HTR1E: variants seen among roughly 807,000 people sequenced by gnomAD.
HTR1E encodes the protein 5-HT-1E.
HTR1E carries 3 observed loss-of-function variants against 3.4 expected under a neutral mutation model. That is an observed-to-expected ratio of 0.89 (90% CI 0.41 to 2.31). The LOEUF (loss-of-function observed/expected upper bound fraction) is 2.31. HTR1E is among the 30% of genes most tolerant of loss of function. HTR1E has a pLI of 0.05. For missense variants in HTR1E, 392 were observed against 467.0 expected (o/e 0.84, Z 1.48); for synonymous variants, 170 against 182.8 (o/e 0.93, Z 0.56).
intron 1 of HTR1E, among the ~76,000 whole-genome samples, chr6:86,961,053 G>A (rs1010484123): frequency 2.0e-5 from 3 of 152,178 alleles, no homozygotes; most frequent in African/African-American, 7.2e-5. Context: ...TAAAAATGAA[G>A]CTAGGAACTA....
chr6:87,010,163 C>A (rs1340866908), intron 1 of HTR1E, among the ~76,000 whole-genome samples: 1 of 120,796 alleles, frequency 8.3e-6, no homozygotes, highest in Non-Finnish European at 1.7e-5. Context: ...ACCTCCCGGA[C>A]GGGGCGGCTG....
At chr6:87,005,261 A>G (rs949814524) in intron 1 of HTR1E, among the ~76,000 whole-genome samples, 15 of 152,230 alleles carry the variant, frequency 9.9e-5, no homozygotes, top group African/African-American at 3.6e-4. Flanking sequence ...ATGGAACCAC[A>G]AAAGACCTAG....
At chr6:86,951,106 T>C (rs1411266004) in intron 1 of HTR1E, among the ~76,000 whole-genome samples, 1 of 152,188 alleles carries the variant, frequency 6.6e-6, no homozygotes, top group African/African-American at 2.4e-5. Flanking sequence ...TCAGATTCCA[T>C]AGTGAGTCTT....
At chr6:87,006,199 T>A (rs1040691134) in intron 1 of HTR1E, among the ~76,000 whole-genome samples, 2 of 152,186 alleles carry the variant, frequency 1.3e-5, no homozygotes, top group African/African-American at 4.8e-5. Flanking sequence ...AAAATAGAAC[T>A]ATTATATGAT....
chr6:86,985,853 T>C (rs754033594), intron 1 of HTR1E, among the ~76,000 whole-genome samples: 7 of 152,190 alleles, frequency 4.6e-5, no homozygotes, highest in East Asian at 1.9e-4. Context: ...GCAGGATACA[T>C]TGCAACAAGG....
intron 1 of HTR1E, among the ~76,000 whole-genome samples, chr6:86,969,535 G>C (rs985621174): frequency 1.3e-5 from 2 of 152,084 alleles, no homozygotes; most frequent in African/African-American, 2.4e-5. Flanking sequence ...TCCAAGACTT[G>C]GCAAAGAATG....
intron 1 of HTR1E, among the ~76,000 whole-genome samples, chr6:86,959,536 T>C (rs1275784530): frequency 1.3e-5 from 2 of 152,118 alleles, no homozygotes; most frequent in African/African-American, 2.4e-5. Context: ...TGAGTGGAGA[T>C]CCTGCCACTG....
At chr6:86,958,019 C>T (rs1273224389) in intron 1 of HTR1E, among the ~76,000 whole-genome samples, 3 of 149,936 alleles carry the variant, frequency 2.0e-5, no homozygotes, top group Non-Finnish European at 4.4e-5. Context: ...TTTAACTGGG[C>T]GTGGGCAGGA....
intron 1 of HTR1E, among the ~76,000 whole-genome samples, chr6:87,011,899 A>G (rs995106169): frequency 2.0e-5 from 3 of 152,244 alleles, no homozygotes; most frequent in African/African-American, 7.2e-5. Context: ...AATTTCTCCA[A>G]TGGTCTACAT....
Position 87,016,409 on chromosome 6 carries a change from A to G in HTR1E, c.1075A>G (p.Ile359Val). 2 of 1,603,884 alleles carry G rather than the reference A, an allele frequency of 1.2e-6. No homozygotes were observed. Among genetic ancestry groups the G allele is most frequent in the East Asian group, 2.2e-5 (1 of 44,620 alleles). ...EDFKLAFKKLIRCREHT is the reference protein window; with the variant it reads ...EDFKLAFKKLVRCREHT ...CTTTAAGCTGGCTTTTAAAAAGCTC[A>G]TTAGATGCCGAGAGCATACTTAGAC... The change falls in exon 2 of 2, where the codon ATT (isoleucine) becomes GTT (valine). Residue 359 changes from isoleucine (I) to valine (V), a missense_variant. This residue lies in a region of HTR1E where 25 missense variants were observed against 44.1 expected (regional missense o/e 0.57). Coordinates refer to ENST00000305344, the MANE Select transcript of HTR1E (RefSeq NM_000865.3).
chr6:86,954,237 T>C (rs1455267527), intron 1 of HTR1E, among the ~76,000 whole-genome samples: 1 of 152,168 alleles, frequency 6.6e-6, no homozygotes, highest in African/African-American at 2.4e-5. Flanking sequence ...GCCTGAGATA[T>C]TTCCATTTTT....
At chr6:86,948,880 C>T (rs1368530054) in intron 1 of HTR1E, among the ~76,000 whole-genome samples, 1 of 152,150 alleles carries the variant, frequency 6.6e-6, no homozygotes, top group Non-Finnish European at 1.5e-5. Context: ...AGGGACCCAA[C>T]ATAAGGGGAG....
At chr6:86,943,556 A>C (rs1267235706) in intron 1 of HTR1E, among the ~76,000 whole-genome samples, 2 of 152,188 alleles carry the variant, frequency 1.3e-5, no homozygotes, top group African/African-American at 4.8e-5. Context: ...TCAAAACAGA[A>C]TATGCTATTG....
At chr6:86,988,414 T>C (rs1767825509) in intron 1 of HTR1E, among the ~76,000 whole-genome samples, 1 of 152,164 alleles carries the variant, frequency 6.6e-6, no homozygotes, top group African/African-American at 2.4e-5. Context: ...AAAAGGACTT[T>C]ATTACTCACA....
chr6:87,015,568 G>C lies in HTR1E; in HGVS notation c.234G>C (p.Leu78=), dbSNP rs749095188. 2 of 1,613,590 alleles carry C rather than the reference G, an allele frequency of 1.2e-6. No individual in the cohort carries two copies. The highest frequency in any genetic ancestry group is 1.7e-6 in the Non-Finnish European group (2 of 1,179,726). The part of the protein sequence containing the change: ...DLLVAVLVMP[L]SIIYIVMDRW... ...TGGTGGCAGTGCTCGTCATGCCCCT[G>C]AGCATCATCTACATTGTCATGGATC... Residue 78 remains leucine (L), a synonymous_variant, in exon 2 of 2, where the codon CTG becomes CTC. Transcript: ENST00000305344.
intron 1 of HTR1E, among the ~76,000 whole-genome samples, chr6:86,988,850 G>A (rs1331634936): frequency 6.6e-6 from 1 of 152,118 alleles, no homozygotes; most frequent in East Asian, 1.9e-4. Context: ...AAAAGAGAAA[G>A]ATGACTAAAT....
chr6:87,008,869 C>G (rs1554184583), intron 1 of HTR1E, among the ~76,000 whole-genome samples: 1 of 152,148 alleles, frequency 6.6e-6, no homozygotes, highest in Non-Finnish European at 1.5e-5. Flanking sequence ...TGACAAAACA[C>G]AGAAGCTGTG....
intron 1 of HTR1E, among the ~76,000 whole-genome samples, chr6:86,941,763 A>G (rs1346383505): frequency 6.6e-6 from 1 of 152,138 alleles, no homozygotes; most frequent in Non-Finnish European, 1.5e-5. Context: ...AATAGCTACC[A>G]GCAGCAGCAG....
intron 1 of HTR1E, 131 bp downstream of exon 1, chr6:86,937,954 GGT>G (rs751458360): frequency 2.3e-4 from 35 of 152,792 alleles, no homozygotes; most frequent in South Asian, 6.2e-4. Context: ...TGGGATGCGG[GGT>G]GTCGGAGGGA....
Sources: allele counts gnomAD v4.1 joint callset (sites outside exome capture counted in the v4.1 genomes callset), GRCh38; gene constraint gnomAD v4.1.1; regional missense constraint gnomAD v4.1.1; transcripts MANE v1.5; gene names NCBI Gene and HGNC (gene_info 2026-07-23, HGNC 2026-07-21).